DPP10: variants seen among roughly 807,000 people sequenced by gnomAD.
The protein encoded by DPP10 is dipeptidyl peptidase like 10, also known as inactive dipeptidyl peptidase 10.
Under a neutral mutation model 120.9 loss-of-function variants are expected in DPP10, and 33 were observed. The observed-to-expected ratio is 0.27, with a 90% CI of 0.21 to 0.37. The LOEUF is 0.37. Among genes scored for constraint, DPP10 ranks in the 10% least tolerant of loss-of-function variants. The pLI, the probability that DPP10 is intolerant of heterozygous loss-of-function variation, is 1.00. For synonymous variants in DPP10, 337 were observed against 326.1 expected (o/e 1.03, Z -0.36); for missense variants, 816 against 942.8 (o/e 0.87, Z 1.76).
chr2:115,520,278 A>G (rs1409492744), intron 4 of DPP10, among the ~76,000 whole-genome samples: 1 of 152,204 alleles, frequency 6.6e-6, no homozygotes, highest in East Asian at 1.9e-4. Context: ...AGATAGCGCC[A>G]TTGCACTCCA....
At chr2:115,237,365 G>T (rs1410595316) in intron 1 of DPP10, among the ~76,000 whole-genome samples, 3 of 152,062 alleles carry the variant, frequency 2.0e-5, no homozygotes, top group Non-Finnish European at 2.9e-5. Context: ...AATAAATGTT[G>T]TGTGTGTTCT....
chr2:114,945,536 C>T (rs917862380), intron 1 of DPP10, among the ~76,000 whole-genome samples: 12 of 152,212 alleles, frequency 7.9e-5, no homozygotes, highest in African/African-American at 2.9e-4. Context: ...TAGCTTCGGC[C>T]GGGCATGGTG....
At chr2:115,615,940 AT>A (rs1423703514) in intron 5 of DPP10, among the ~76,000 whole-genome samples, 7 of 152,188 alleles carry the variant, frequency 4.6e-5, no homozygotes, top group Non-Finnish European at 7.4e-5. Context: ...TAAACTGACC[AT>A]TTCAAAAATT....
intron 5 of DPP10, among the ~76,000 whole-genome samples, chr2:115,571,387 C>T (rs2081329088): frequency 1.3e-5 from 2 of 152,060 alleles, no homozygotes; most frequent in Non-Finnish European, 2.9e-5. Flanking sequence ...CTCCCTCCCT[C>T]CCCCATATAG....
chr2:114,783,018 A>G (rs1403682892), intron 1 of DPP10, among the ~76,000 whole-genome samples: 1 of 152,152 alleles, frequency 6.6e-6, no homozygotes, highest in Non-Finnish European at 1.5e-5. Flanking sequence ...AACATAAACC[A>G]TTATCTTTAT....
At chr2:114,765,829 T>G (rs990121460) in intron 1 of DPP10, among the ~76,000 whole-genome samples, 3 of 152,140 alleles carry the variant, frequency 2.0e-5, no homozygotes, top group Non-Finnish European at 2.9e-5. Flanking sequence ...GATTCAGATC[T>G]ACAAAGGCTA....
At chr2:114,752,284 C>G (rs1679305399) in intron 1 of DPP10, among the ~76,000 whole-genome samples, 1 of 152,168 alleles carries the variant, frequency 6.6e-6, no homozygotes, top group African/African-American at 2.4e-5. Context: ...GAAAGATAAT[C>G]ATCTTCTTAC....
chr2:114,892,225 C>A (rs1692598561), intron 1 of DPP10, among the ~76,000 whole-genome samples: 1 of 152,116 alleles, frequency 6.6e-6, no homozygotes, highest in Non-Finnish European at 1.5e-5. Flanking sequence ...AAGGATAAAC[C>A]TCCAGAAATT....
At chr2:115,652,011 G>A (rs1261923394) in intron 5 of DPP10, among the ~76,000 whole-genome samples, 2 of 151,968 alleles carry the variant, frequency 1.3e-5, no homozygotes, top group Admixed American at 1.3e-4. Flanking sequence ...ATGAGAATTC[G>A]AATTCAGACT....
intron 1 of DPP10, among the ~76,000 whole-genome samples, chr2:114,943,762 A>T (rs1269297900): frequency 6.6e-6 from 1 of 152,220 alleles, no homozygotes; most frequent in Non-Finnish European, 1.5e-5. Context: ...GAAAATACAG[A>T]AGTTATAAAA....
At chr2:115,393,005 A>G (rs2106550395) in intron 3 of DPP10, among the ~76,000 whole-genome samples, 1 of 152,142 alleles carries the variant, frequency 6.6e-6, no homozygotes, top group African/African-American at 2.4e-5. Flanking sequence ...TATTATTTCT[A>G]TTTATTTAAA....
At chr2:114,817,097 C>T (rs370256303) in intron 1 of DPP10, among the ~76,000 whole-genome samples, 3 of 152,146 alleles carry the variant, frequency 2.0e-5, no homozygotes, top group East Asian at 1.9e-4. Context: ...TTAAAGGCAG[C>T]TTTTAATAAG....
Position 114,908,890 on chromosome 2 carries a change from T to C in DPP10, c.61-400349T>C, listed in dbSNP as rs114023712. Among the ~76,000 whole-genome samples the C allele has an allele frequency of 9.8e-3, 1,485 of 151,948 alleles. 17 individuals are homozygous for C. Among genetic ancestry groups the C allele is most frequent in the African/African-American group, 0.034 (1,431 of 41,544 alleles). On this transcript the variant is annotated intron_variant, in intron 1 of 25. Coordinates refer to ENST00000410059, the MANE Select transcript of DPP10 (RefSeq NM_020868.6). The stretch of plus-strand genomic sequence containing the variant: ...TTAAAATATTGTTGGCATTAGTCAA[T>C]TAATATTTTACTGAGAAATTTTTAT...
intron 5 of DPP10, among the ~76,000 whole-genome samples, chr2:115,634,883 T>C (rs1007025383): frequency 1.3e-5 from 2 of 150,296 alleles, no homozygotes; most frequent in Admixed American, 1.3e-4. Flanking sequence ...CCCAGAGAGA[T>C]TAGAGTTCTG....
chr2:115,313,067 C>CA (rs1334830022), intron 2 of DPP10, among the ~76,000 whole-genome samples: 3 of 151,894 alleles, frequency 2.0e-5, no homozygotes, highest in Non-Finnish European at 4.4e-5. Context: ...ACTAAAAATA[C>CA]AAAAAATGAG....
At chr2:114,936,486 A>T (rs1003553059) in intron 1 of DPP10, among the ~76,000 whole-genome samples, 2 of 151,690 alleles carry the variant, frequency 1.3e-5, no homozygotes, top group Admixed American at 6.6e-5. Context: ...TTTATCCACT[A>T]GTTGATTGAT....
intron 3 of DPP10, among the ~76,000 whole-genome samples, chr2:115,471,690 G>A (rs536824923): frequency 2.6e-5 from 4 of 151,848 alleles, no homozygotes; most frequent in African/African-American, 4.8e-5. Flanking sequence ...TGGCTCAAGC[G>A]ATCCTCTCAC....
intron 4 of DPP10, among the ~76,000 whole-genome samples, chr2:115,525,299 C>T (rs2078061421): frequency 6.6e-6 from 1 of 152,082 alleles, no homozygotes; most frequent in Non-Finnish European, 1.5e-5. Flanking sequence ...TAAATTCCTT[C>T]TGTCCTCAAA....
intron 5 of DPP10, among the ~76,000 whole-genome samples, chr2:115,641,893 C>A (rs1234791959): frequency 3.3e-5 from 5 of 152,070 alleles, no homozygotes; most frequent in Non-Finnish European, 7.3e-5. Flanking sequence ...AGCCACACAG[C>A]CTGAAATAAT....
Sources: gnomAD v4.1 joint callset for allele counts (sites outside exome capture counted in the v4.1 genomes callset) on GRCh38, gnomAD v4.1.1 for gene constraint, MANE v1.5 for transcripts, NCBI Gene and HGNC (gene_info 2026-07-23, HGNC 2026-07-21) for gene names.